PTK2: variants seen among roughly 807,000 people sequenced by gnomAD.
PTK2 encodes the protein protein tyrosine kinase 2, also known as focal adhesion kinase 1.
PTK2 carries 45 observed loss-of-function variants against 150.1 expected under a neutral mutation model. That is an observed-to-expected ratio of 0.30 (90% confidence interval 0.24 to 0.38). The LOEUF is 0.38. Ranked by LOEUF, PTK2 falls within the 10% of genes least tolerant of loss-of-function variation. PTK2 has a pLI of 1.00. For synonymous variants in PTK2, 432 were observed against 449.2 expected, an observed-to-expected ratio of 0.96 and a Z score of 0.48; for missense variants, 919 against 1,307.3, an observed-to-expected ratio of 0.70 and a Z score of 4.58.
chr8:140,924,980 T>A (rs1221959487), intron 2 of PTK2, among the ~76,000 whole-genome samples: 1 of 152,172 alleles, frequency 6.6e-6, no homozygotes, highest in East Asian at 1.9e-4. Context: ...TTTTGTCCAA[T>A]CTGACTTAGC....
At chr8:140,734,687 A>G in intron 22 of PTK2, 1 of 511,350 alleles carries the variant, frequency 2.0e-6, no homozygotes, top group Non-Finnish European at 3.9e-6. Context: ...AAATATAAAA[A>G]CAGAAGTATT....
chr8:140,927,565 C>A (rs1041121558), intron 1 of PTK2, among the ~76,000 whole-genome samples: 4 of 152,136 alleles, frequency 2.6e-5, no homozygotes, highest in African/African-American at 9.7e-5. Context: ...CCTTCTACAA[C>A]CTGCATTTCT....
chr8:140,676,765 TAAAAAAAAA>T lies in PTK2; in HGVS notation c.2563-1275_2563-1267del, dbSNP rs869199304. On this transcript the variant is annotated intron_variant, in intron 27 of 31. Transcript: ENST00000522684. The stretch of plus-strand genomic sequence containing the variant: ...ACATGGTGAAACCCCGTCTCTACTT[TAAAAAAAAA>T]AAAAAAAAAAAAAAATAGCCAGGTG... Among the ~76,000 whole-genome samples the T allele has an allele frequency of 9.1e-3, 508 of 55,584 alleles. 14 individuals carry two copies. Among genetic ancestry groups the T allele is most frequent in the African/African-American group, 0.041 (483 of 11,760 alleles). 36.5% of individuals were successfully genotyped at this position (55,584 alleles called of 152,430 possible). A position where few individuals can be genotyped will look rare whatever the true frequency, so the allele number is the denominator to read the frequency against.
chr8:140,956,439 A>G (rs968888744), intron 1 of PTK2, among the ~76,000 whole-genome samples: 2 of 152,272 alleles, frequency 1.3e-5, no homozygotes. Flanking sequence ...ATAAAAGTCT[A>G]GCACATACGA....
intron 31 of PTK2, among the ~76,000 whole-genome samples, chr8:140,663,588 TAG>T (rs1364585483): frequency 6.6e-6 from 1 of 152,230 alleles, no homozygotes; most frequent in Non-Finnish European, 1.5e-5. Context: ...TTTCATTTGT[TAG>T]TCATATAATT....
chr8:140,826,073 C>A (rs1481387193), intron 8 of PTK2, among the ~76,000 whole-genome samples: 1 of 152,076 alleles, frequency 6.6e-6, no homozygotes, highest in Non-Finnish European at 1.5e-5. Flanking sequence ...TATAAATAAT[C>A]TTCTACGAAT....
At chr8:140,955,380 A>G (rs912435079) in intron 1 of PTK2, among the ~76,000 whole-genome samples, 2 of 152,142 alleles carry the variant, frequency 1.3e-5, no homozygotes, top group African/African-American at 2.4e-5. Context: ...CGTGTGTAAG[A>G]TATGTCTTGC....
At chr8:140,747,285 A>T (rs902190102) in intron 17 of PTK2, 2 of 169,956 alleles carry the variant, frequency 1.2e-5, no homozygotes, top group African/African-American at 4.9e-5. Flanking sequence ...TCAATTCCAC[A>T]GGTCAGTTCA....
At chr8:140,861,596 T>C (rs1188893249) in intron 5 of PTK2, among the ~76,000 whole-genome samples, 1 of 152,184 alleles carries the variant, frequency 6.6e-6, no homozygotes, top group African/African-American at 2.4e-5. Context: ...TCTAAGTCTG[T>C]TACTGTCTAC....
At chr8:140,865,694 T>C (rs1186422717) in intron 4 of PTK2, among the ~76,000 whole-genome samples, 3 of 152,260 alleles carry the variant, frequency 2.0e-5, no homozygotes, top group Non-Finnish European at 4.4e-5. Context: ...TTACTGTAGA[T>C]ATTCTACATT....
intron 5 of PTK2, among the ~76,000 whole-genome samples, chr8:140,848,886 T>C (rs1030826520): frequency 6.6e-5 from 10 of 152,144 alleles, no homozygotes; most frequent in African/African-American, 2.4e-4. Flanking sequence ...AGACCACCAA[T>C]TACATGATGA....
chr8:140,948,527 C>T (rs1272485827), intron 1 of PTK2: 1 of 152,116 alleles, frequency 6.6e-6, no homozygotes, highest in Non-Finnish European at 1.5e-5. Context: ...GAAAAATACA[C>T]ATATCAACTA....
At chr8:140,869,170 T>C (rs970091947) in intron 4 of PTK2, among the ~76,000 whole-genome samples, 13 of 114,056 alleles carry the variant, frequency 1.1e-4, no homozygotes, top group Non-Finnish European at 1.8e-4. Flanking sequence ...GCTTGGTCAA[T>C]AAATATGAGT....
At chr8:140,792,063 T>C (rs1257923733) in intron 13 of PTK2, among the ~76,000 whole-genome samples, 1 of 152,210 alleles carries the variant, frequency 6.6e-6, no homozygotes, top group Non-Finnish European at 1.5e-5. Context: ...ACTGATTTAG[T>C]AGAAGTACAC....
chr8:140,951,908 AAT>A (rs1491094408), intron 1 of PTK2, among the ~76,000 whole-genome samples: 9 of 149,006 alleles, frequency 6.0e-5, no homozygotes, highest in African/African-American at 2.2e-4. Flanking sequence ...AAAAAAAAAA[AAT>A]TTTTTTTTTT....
intron 14 of PTK2, among the ~76,000 whole-genome samples, chr8:140,774,321 T>G (rs942641222): frequency 6.6e-6 from 1 of 152,164 alleles, no homozygotes; most frequent in Non-Finnish European, 1.5e-5. Flanking sequence ...CAGTGAATGG[T>G]TATAACTGCA....
At chr8:140,949,177 AT>A (rs796427956) in intron 1 of PTK2, among the ~76,000 whole-genome samples, 1 of 152,166 alleles carries the variant, frequency 6.6e-6, no homozygotes, top group Non-Finnish European at 1.5e-5. Context: ...TCTTCTTAAT[AT>A]TTTTTCTCTA....
chr8:140,861,826 A>G (rs2100136285), intron 5 of PTK2, among the ~76,000 whole-genome samples: 1 of 152,238 alleles, frequency 6.6e-6, no homozygotes, highest in Admixed American at 6.5e-5. Context: ...GCGAAATTTC[A>G]TTAACACTTA....
chr8:140,805,469 G>C (rs1434759590), intron 10 of PTK2, among the ~76,000 whole-genome samples: 3 of 150,910 alleles, frequency 2.0e-5, no homozygotes, highest in Non-Finnish European at 2.9e-5. Flanking sequence ...TGAGGCAGGA[G>C]AATCACTTGA....
Sources: allele counts gnomAD v4.1 joint callset (sites outside exome capture counted in the v4.1 genomes callset), GRCh38; gene constraint gnomAD v4.1.1; transcripts MANE v1.5; gene names NCBI Gene and HGNC (gene_info 2026-07-23, HGNC 2026-07-21).